AARD: variants seen among roughly 807,000 people sequenced by gnomAD.
The protein encoded by AARD is alanine- and arginine-rich domain-containing protein.
Under a neutral mutation model 9.3 loss-of-function variants are expected in AARD, and 9 were observed. The observed-to-expected ratio is 0.97, with a 90% CI of 0.58 to 1.69. The LOEUF is 1.69. Ranked by LOEUF, AARD falls within the 40% of genes most tolerant of loss-of-function variation. AARD has a pLI of 0.00. For synonymous variants in AARD, 91 were observed against 93.8 expected (o/e 0.97, Z 0.17); for missense variants, 236 against 210.3 (o/e 1.12, Z -0.76).
intron 1 of AARD, among the ~76,000 whole-genome samples, chr8:116,942,144 C>G (rs1813752002): frequency 6.6e-6 from 1 of 152,178 alleles, no homozygotes; most frequent in South Asian, 2.1e-4. Flanking sequence ...GATAAGTAAT[C>G]AAGTAAATAG....
Position 116,938,251 on chromosome 8 carries a change from C to T in AARD, c.8C>T (p.Pro3Leu), listed in dbSNP as rs775583501. 15 of 1,598,522 alleles carry T rather than the reference C, an allele frequency of 9.4e-6. No homozygotes were observed. Among genetic ancestry groups the T allele is most frequent in the Non-Finnish European group, 1.3e-5 (15 of 1,172,214 alleles). ...TGACCAGGCGTCTCCGCGATGGGCC[C>T]CGGGGACTTCCGCCGCTGCAGAGAG... MG[P>L]GDFRRCRERI... Residue 3 changes from proline to leucine, a missense_variant, in exon 1 of 2, where the codon CCC (proline) becomes CTC (leucine). Physicochemically the swap from Pro to Leu is moderately conservative, Grantham distance 98. Coordinates refer to ENST00000378279, the MANE Select transcript of AARD (RefSeq NM_001025357.3).
In AARD at chr8:116,938,415, G is replaced by A. The variant is rs1469943262; in HGVS notation, c.172G>A (p.Asp58Asn). ...CCTCGCCGCCAGCCCGCTGCTGGAG[G>A]ACCTCAGACGACGGCTGACGCGCGC... Reference protein sequence around the residue: ...EALAASPLLEDLRRRLTRAFQ... With the variant: ...EALAASPLLENLRRRLTRAFQ... The change falls in exon 1 of 2, where the codon GAC becomes AAC. Residue 58 changes from aspartate (D) to asparagine (N), a missense_variant. Coordinates refer to ENST00000378279, the MANE Select transcript of AARD (RefSeq NM_001025357.3). 6.2e-7 allele frequency: 1 copy of A among 1,611,228 alleles called. No individual in the cohort carries two copies. The highest frequency in any genetic ancestry group is 8.5e-7 in the Non-Finnish European group (1 of 1,179,366).
Position 116,942,794 on chromosome 8 carries a change from A to G in AARD, c.*93A>G. On this transcript the variant is annotated 3_prime_UTR_variant, in exon 2 of 2. Coordinates refer to ENST00000378279, the MANE Select transcript of AARD (RefSeq NM_001025357.3). ...GGCGGGCGGATCAAGACGTCAGGAG[A>G]TTGAGACCATCCTGGCTAACACTGT... The G allele has an allele frequency of 7.8e-7, 1 of 1,280,520 alleles. No individual in the cohort carries two copies. Among genetic ancestry groups the G allele is most frequent in the South Asian group, 1.4e-5 (1 of 73,882 alleles). The allele number at this position is 1,280,520 out of a possible 1,614,324, so 79.3% of individuals were successfully genotyped here. A position where few individuals can be genotyped will look rare whatever the true frequency, so the allele number is the denominator to read the frequency against.
rs776815892 is a variant in AARD at position 116,942,656 on chromosome 8, A to G, written c.423A>G (p.Thr141=). Residue 141 remains threonine (T), a synonymous_variant, in exon 2 of 2, where the codon ACA becomes ACG. Coordinates refer to ENST00000378279, the MANE Select transcript of AARD (RefSeq NM_001025357.3). ...AAAAGGAGTATGAACTGGAAATTAC[A>G]TCAGACTCCCAAAGCCCAAAAGATG... ...QLKKEYELEI[T]SDSQSPKDDA... The G allele has an allele frequency of 1.9e-6, 3 of 1,613,870 alleles. No homozygotes were observed. Among genetic ancestry groups the G allele is most frequent in the Admixed American group, 3.3e-5 (2 of 60,002 alleles).
chr8:116,938,481 C>T lies in AARD; in HGVS notation c.238C>T (p.Gln80Ter), dbSNP rs1813700912. 3 of 1,568,652 alleles carry T rather than the reference C, an allele frequency of 1.9e-6. No individual in the cohort carries two copies. The East Asian group carries it at 7.1e-5, about 37-fold the overall frequency. The change falls in exon 1 of 2, where the codon CAG becomes TAG. Residue 80 changes from glutamine to a stop codon, truncating the protein, a stop_gained. Transcript: ENST00000378279. LOFTEE classifies it high-confidence loss of function. ...GCAGCGCGCGATCTCGAGGCGCGTG[C>T]AGGAGGCGGCGGCGGCGGCGGCGGC... is the stretch of plus-strand genomic sequence containing the variant. ...AVQRAISRRV[Q>*]EAAAAAAARE... is the part of the protein sequence containing the mutation.
chr8:116,938,275 A>G lies in AARD; in HGVS notation c.32A>G (p.Glu11Gly). The G allele has an allele frequency of 6.2e-7, 1 of 1,605,696 alleles. No individual in the cohort carries two copies. The highest frequency in any genetic ancestry group is 2.3e-5 in the East Asian group (1 of 44,182). Residue 11 changes from glutamate to glycine, a missense_variant, in exon 1 of 2, where the codon GAG (glutamate) becomes GGG (glycine). Physicochemically the swap from Glu to Gly is moderately conservative, Grantham distance 98. Transcript: ENST00000378279. ...CCCGGGGACTTCCGCCGCTGCAGAG[A>G]GAGAATTTCCCAGGGGCTCCAGGGA... Reference protein sequence around the residue: MGPGDFRRCRERISQGLQGLP... With the variant: MGPGDFRRCRGRISQGLQGLP...
chr8:116,939,846 T>C (rs567770131), intron 1 of AARD, among the ~76,000 whole-genome samples: 90 of 152,316 alleles, frequency 5.9e-4, no homozygotes, highest in African/African-American at 2.0e-3. Context: ...GCCAGGATGC[T>C]AAACTGGAAG....
intron 1 of AARD, among the ~76,000 whole-genome samples, chr8:116,941,965 A>T (rs1813750798): frequency 6.6e-6 from 1 of 152,138 alleles, no homozygotes; most frequent in African/African-American, 2.4e-5. Flanking sequence ...GACCTTCATA[A>T]ACTCCCATTG....
In AARD at chr8:116,938,272, G is replaced by A. The variant is rs1310426419; in HGVS notation, c.29G>A (p.Arg10Lys). The A allele has an allele frequency of 5.0e-6, 8 of 1,605,182 alleles. No homozygotes were observed. The highest frequency in any genetic ancestry group is 6.8e-6 in the Non-Finnish European group (8 of 1,176,098). Residue 10 changes from arginine (R) to lysine (K), a missense_variant, in exon 1 of 2, where the codon AGA becomes AAA. Coordinates refer to ENST00000378279, the MANE Select transcript of AARD (RefSeq NM_001025357.3). MGPGDFRRCRERISQGLQGL... is the reference protein window; with the variant it reads MGPGDFRRCKERISQGLQGL... ...GGCCCCGGGGACTTCCGCCGCTGCA[G>A]AGAGAGAATTTCCCAGGGGCTCCAG...
At chr8:116,941,100 GC>G (rs1157008152) in intron 1 of AARD, among the ~76,000 whole-genome samples, 2 of 152,092 alleles carry the variant, frequency 1.3e-5, no homozygotes, top group Non-Finnish European at 2.9e-5. Flanking sequence ...TAGGTTGTGT[GC>G]CCAGGCAGTG....
chr8:116,942,287 A>G (rs1236175107), intron 1 of AARD, among the ~76,000 whole-genome samples: 3 of 152,208 alleles, frequency 2.0e-5, no homozygotes, highest in African/African-American at 7.2e-5. Flanking sequence ...TATTTTTCAT[A>G]TGGACAGCTT....
In AARD at chr8:116,942,567, C is replaced by T; in HGVS notation, c.334C>T (p.His112Tyr). The T allele has an allele frequency of 6.2e-7, 1 of 1,610,566 alleles. No individual in the cohort carries two copies. The highest frequency in any genetic ancestry group is 2.2e-5 in the East Asian group (1 of 44,842). Residue 112 changes from histidine (H) to tyrosine (Y), a missense_variant, in exon 2 of 2, where the codon CAT (histidine) becomes TAT (tyrosine). Transcript: ENST00000378279. Reference sequence around the variant, plus strand: ...TTTTTCTAACTTTTAGGTGGAAATGCATTTCCAAAACCACCAGCTGGCTAG... The same window carrying T: ...TTTTTCTAACTTTTAGGTGGAAATGTATTTCCAAAACCACCAGCTGGCTAG... ...ARLRAELVEM[H>Y]FQNHQLARTL...
chr8:116,943,108 A>AG lies in AARD; in HGVS notation c.*411dup, dbSNP rs1214951263. ...CACATTATGCTTTGCATAAGTTTTG[A>AG]GGGGCAATTTATAGACCCAAAACAA... On this transcript the variant is annotated 3_prime_UTR_variant, in exon 2 of 2. Coordinates refer to ENST00000378279, the MANE Select transcript of AARD (RefSeq NM_001025357.3). 6.6e-6 allele frequency: 1 copy of AG among 152,576 alleles called. No individual in the cohort carries two copies. Among genetic ancestry groups the AG allele is most frequent in the Non-Finnish European group, 1.5e-5 (1 of 68,426 alleles). 9.5% of individuals were successfully genotyped at this position (152,576 alleles called of 1,614,324 possible).
intron 1 of AARD, among the ~76,000 whole-genome samples, chr8:116,939,013 GTA>G (rs1813714507): frequency 6.6e-6 from 1 of 152,164 alleles, no homozygotes; most frequent in Admixed American, 6.5e-5. Context: ...AAGTGATAAG[GTA>G]TTTTGTAAAA....
At chr8:116,938,875 G>A (rs996344093) in intron 1 of AARD, among the ~76,000 whole-genome samples, 80 of 152,294 alleles carry the variant, frequency 5.3e-4, no homozygotes, top group Non-Finnish European at 8.4e-4. Context: ...TATGGCTCGC[G>A]GAGGAGGAAA....
rs1163099111 is a variant in AARD at position 116,942,263 on chromosome 8, C to G, written c.325-295C>G. On this transcript the variant is annotated intron_variant, in intron 1 of 1. Transcript: ENST00000378279. ...TCACATGCTATTCCTTGAAAACAGCCTTCGGTGCATAGGTATTTTTCATAT... is the reference window on the plus strand; with the variant it reads ...TCACATGCTATTCCTTGAAAACAGCGTTCGGTGCATAGGTATTTTTCATAT... 2.0e-5 allele frequency among the ~76,000 whole-genome samples: 3 copies of G among 152,278 alleles called. No homozygotes were observed. The East Asian group carries it at 5.8e-4, about 29-fold the overall frequency.
intron 1 of AARD, among the ~76,000 whole-genome samples, chr8:116,941,030 C>T (rs566195209): frequency 1.3e-5 from 2 of 152,204 alleles, no homozygotes; most frequent in South Asian, 4.2e-4. Flanking sequence ...GGATATTCAT[C>T]AGTTAATTAA....
chr8:116,941,628 A>G (rs1224766825), intron 1 of AARD, among the ~76,000 whole-genome samples: 1 of 152,244 alleles, frequency 6.6e-6, no homozygotes, highest in Non-Finnish European at 1.5e-5. Flanking sequence ...TAGGTGCTTC[A>G]GAATGGAGAG....
chr8:116,939,292 A>G (rs1813718370), intron 1 of AARD, among the ~76,000 whole-genome samples: 1 of 152,210 alleles, frequency 6.6e-6, no homozygotes, highest in South Asian at 2.1e-4. Context: ...GCCAACCATT[A>G]GTAAATTGTC....
Sources: allele counts gnomAD v4.1 joint callset (sites outside exome capture counted in the v4.1 genomes callset), GRCh38; gene constraint gnomAD v4.1.1; transcripts MANE v1.5; gene names NCBI Gene and HGNC (gene_info 2026-07-23, HGNC 2026-07-21).